CELA2A: variants seen among roughly 807,000 people sequenced by gnomAD.
CELA2A encodes the protein chymotrypsin-like elastase family member 2A.
A neutral mutation model predicts 35.3 loss-of-function variants in CELA2A; 31 were observed. That is an observed-to-expected ratio of 0.88 (90% CI 0.66 to 1.19). CELA2A has a LOEUF of 1.19. Ranked by LOEUF, CELA2A falls within the 50% of genes most tolerant of loss-of-function variation. The pLI is 0.00. For missense variants in CELA2A, 330 were observed against 352.9 expected (o/e 0.94, Z 0.52); for synonymous variants, 150 against 149.8 (o/e 1.00, Z -0.01).
chr1:15,458,110 C>CAT (rs1244059921), intron 2 of CELA2A, among the ~76,000 whole-genome samples: 1 of 152,076 alleles, frequency 6.6e-6, no homozygotes, highest in Admixed American at 6.6e-5. Flanking sequence ...TATTTTAAAT[C>CAT]ATATATATAT....
Position 15,456,940 on chromosome 1 carries a change from A to T in CELA2A, c.41-146A>T, listed in dbSNP as rs772252794. 52 of 1,313,844 alleles carry T rather than the reference A, an allele frequency of 4.0e-5. No individual in the cohort carries two copies. The East Asian group carries it at 1.1e-3, about 29-fold the overall frequency. The allele number at this position is 1,313,844 out of a possible 1,614,324, so 81.4% of individuals were successfully genotyped here. The stretch of plus-strand genomic sequence containing the variant: ...GAACATTGGAATGGAGTTTCAAAGA[A>T]TTGGAGCAAAGAGCAGGATTCTATG... On this transcript the variant is annotated intron_variant, in intron 1 of 7. Transcript: ENST00000359621.
chr1:15,462,069 C>T (rs879016266), intron 3 of CELA2A: 5 of 479,084 alleles, frequency 1.0e-5, no homozygotes, highest in South Asian at 7.7e-5. Flanking sequence ...GGGCCTGGCA[C>T]TTAGTAAGTG....
At chr1:15,467,666 G>A (rs1307548141) in intron 7 of CELA2A, 128 bp downstream of exon 7, 1 of 1,200,012 alleles carries the variant, frequency 8.3e-7, no homozygotes, top group Non-Finnish European at 1.2e-6. Context: ...CCCCTTGGAG[G>A]AGGCTGCAGA....
chr1:15,471,470 C>A (rs1020200058), intron 7 of CELA2A, among the ~76,000 whole-genome samples: 2 of 152,064 alleles, frequency 1.3e-5, no homozygotes, highest in African/African-American at 4.8e-5. Context: ...ATCACTTAAA[C>A]CTGCATAGTG....
At chr1:15,471,923 G>T in intron 7 of CELA2A, 67 bp from the exon 8 acceptor site, 1 of 1,604,590 alleles carries the variant, frequency 6.2e-7, no homozygotes, top group South Asian at 1.1e-5. Context: ...GGAGGACAGA[G>T]ACAGGAAACT....
chr1:15,467,452 A>G lies in CELA2A; in HGVS notation c.706A>G (p.Ser236Gly), dbSNP rs1708534499. Residue 236 changes from serine (S) to glycine (G), a missense_variant, in exon 7 of 8, where the codon AGC becomes GGC. Physicochemically the swap from Ser to Gly is moderately conservative, Grantham distance 56. Coordinates refer to ENST00000359621, the MANE Select transcript of CELA2A (RefSeq NM_033440.3). ...CCGGTGGCAGGTGCACGGCATCGTCAGCTTCGGGTCTCGCCTCGGCTGCAA... is the reference window on the plus strand; with the variant it reads ...CCGGTGGCAGGTGCACGGCATCGTCGGCTTCGGGTCTCGCCTCGGCTGCAA... ...DGRWQVHGIV[S>G]FGSRLGCNYY... 6.2e-7 allele frequency: 1 copy of G among 1,614,124 alleles called. No individual in the cohort carries two copies. The highest frequency in any genetic ancestry group is 8.5e-7 in the Non-Finnish European group (1 of 1,180,032).
At chr1:15,459,162 AT>A (rs34895778) in intron 2 of CELA2A, among the ~76,000 whole-genome samples, 77,962 of 137,086 alleles carry the variant, frequency 0.57, 22,133 homozygotes, top group East Asian at 0.72. Context: ...ACCCATAGTA[AT>A]TTTTTTTTTT....
intron 6 of CELA2A, 24 bp downstream of exon 6, chr1:15,466,168 C>A (rs150291910): frequency 1.4e-5 from 22 of 1,610,524 alleles, no homozygotes; most frequent in Admixed American, 5.0e-5. Flanking sequence ...TCAGGGGCTC[C>A]GCTCCATGAC....
rs774272220 is a variant in CELA2A at position 15,467,523 on chromosome 1, C to G, written c.777C>G (p.Ile259Met). Residue 259 changes from isoleucine (I) to methionine (M), a missense_variant, in exon 7 of 8, where the codon ATC becomes ATG. By Grantham distance (10) the Ile-to-Met change is conservative (BLOSUM62 1). Coordinates refer to ENST00000359621, the MANE Select transcript of CELA2A (RefSeq NM_033440.3). Reference protein sequence around the residue: ...PSVFTRVSNYIDWINSVIANN With the variant: ...PSVFTRVSNYMDWINSVIANN Reference sequence around the variant, plus strand: ...TCTTCACGCGGGTCTCCAATTACATCGACTGGATCAATTCGGTAAGAACCG... The same window carrying G: ...TCTTCACGCGGGTCTCCAATTACATGGACTGGATCAATTCGGTAAGAACCG... 1.2e-6 allele frequency: 2 copies of G among 1,614,138 alleles called. No individual in the cohort carries two copies. The highest frequency in any genetic ancestry group is 4.5e-5 in the East Asian group (2 of 44,884).
At position 15,472,080 on chromosome 1, in the gene CELA2A, C is replaced by T; in HGVS notation, c.*73C>T. On this transcript the variant is annotated 3_prime_UTR_variant, in exon 8 of 8. Transcript: ENST00000359621. ...GGAAAATAATATAATAAAGTGACAA[C>T]TATGCAAATCACATCTTGATGAGAG... 2 of 1,582,736 alleles carry T rather than the reference C, an allele frequency of 1.3e-6. No individual in the cohort carries two copies. Among genetic ancestry groups the T allele is most frequent in the Non-Finnish European group, 1.7e-6 (2 of 1,151,758 alleles).
intron 6 of CELA2A, among the ~76,000 whole-genome samples, chr1:15,467,175 A>T (rs1708529592): frequency 6.6e-6 from 1 of 152,250 alleles, no homozygotes; most frequent in South Asian, 2.1e-4. Flanking sequence ...GAGATGAGGC[A>T]TAGAACATGC....
intron 6 of CELA2A, among the ~76,000 whole-genome samples, chr1:15,466,414 T>C (rs1175052863): frequency 6.6e-6 from 1 of 151,936 alleles, no homozygotes. Flanking sequence ...CTAAAAAAAT[T>C]AGCCGGGCAT....
chr1:15,468,754 G>T (rs1473837282), intron 7 of CELA2A, among the ~76,000 whole-genome samples: 6 of 152,264 alleles, frequency 3.9e-5, no homozygotes, highest in Admixed American at 3.9e-4. Flanking sequence ...ACGCTGCAGT[G>T]AGCACTTAAG....
At chr1:15,465,822 G>C (rs1002970657) in intron 5 of CELA2A, 177 bp from the exon 6 acceptor site, 3 of 697,862 alleles carry the variant, frequency 4.3e-6, no homozygotes, top group African/African-American at 1.8e-5. Context: ...GGCTTAGCTT[G>C]AGTCAGGTGT....
At chr1:15,458,062 T>C (rs1016137787) in intron 2 of CELA2A, among the ~76,000 whole-genome samples, 2 of 152,202 alleles carry the variant, frequency 1.3e-5, no homozygotes, top group Non-Finnish European at 2.9e-5. Flanking sequence ...TCTGATGTAA[T>C]TGGGACCGAG....
At chr1:15,468,665 T>C (rs1708553447) in intron 7 of CELA2A, among the ~76,000 whole-genome samples, 1 of 152,090 alleles carries the variant, frequency 6.6e-6, no homozygotes, top group Non-Finnish European at 1.5e-5. Flanking sequence ...TTTTAATTAC[T>C]CAGGCACGGT....
chr1:15,463,465 G>A lies in CELA2A; in HGVS notation c.436G>A (p.Gly146Ser), dbSNP rs758475502. 13 of 1,613,812 alleles carry A rather than the reference G, an allele frequency of 8.1e-6. No individual in the cohort carries two copies. Among genetic ancestry groups the A allele is most frequent in the East Asian group, 2.2e-5 (1 of 44,886 alleles). The change falls in exon 5 of 8, where the codon GGC becomes AGC. Residue 146 changes from glycine to serine, a missense_variant. Physicochemically the swap from Gly to Ser is moderately conservative, Grantham distance 56 (BLOSUM62 0). Coordinates refer to ENST00000359621, the MANE Select transcript of CELA2A (RefSeq NM_033440.3). Reference sequence around the variant, plus strand: ...CCAGCTGGCCTGCCTCCCTCCTGCCGGCACCATTCTACCCAACAACTACCC... The same window carrying A: ...CCAGCTGGCCTGCCTCCCTCCTGCCAGCACCATTCTACCCAACAACTACCC... ...KIQLACLPPA[G>S]TILPNNYPCY...
rs1296146076 is a variant in CELA2A, at chr1:15,471,903, G to A, written c.793-87G>A. ...GGGCTGCCTGTAACTCACATGAGTA[G>A]CTTAGCCCAGGAGGACAGAGACAGG... On this transcript the variant is annotated intron_variant, in intron 7 of 7. Coordinates refer to ENST00000359621, the MANE Select transcript of CELA2A (RefSeq NM_033440.3). The A allele has an allele frequency of 2.6e-6, 4 of 1,547,142 alleles. No individual in the cohort carries two copies. In the East Asian group the frequency reaches 9.0e-5, roughly 35 times the overall value.
intron 3 of CELA2A, chr1:15,462,331 G>A (rs939337546): frequency 1.2e-5 from 5 of 413,216 alleles, no homozygotes; most frequent in African/African-American, 6.2e-5. Context: ...TGTAGTTCTG[G>A]TTTCTCACTA....
Sources: allele counts gnomAD v4.1 joint callset (sites outside exome capture counted in the v4.1 genomes callset), GRCh38; gene constraint gnomAD v4.1.1; transcripts MANE v1.5; gene names NCBI Gene and HGNC (gene_info 2026-07-23, HGNC 2026-07-21).